CDH4: variants seen among roughly 807,000 people sequenced by gnomAD.
The protein encoded by CDH4 is cadherin 4, also known as cadherin-4.
CDH4 carries 33 observed loss-of-function variants against 86.0 expected under a neutral mutation model. That is an observed-to-expected ratio of 0.38 (90% CI 0.29 to 0.51). The LOEUF (loss-of-function observed/expected upper bound fraction) is 0.51, where lower values mean the gene tolerates loss of function less well. Ranked by LOEUF, CDH4 falls within the 20% of genes least tolerant of loss-of-function variation. CDH4 has a pLI of 0.86. For missense variants in CDH4, 1,114 were observed against 1,307.4 expected, an observed-to-expected ratio of 0.85 and a Z score of 2.28; for synonymous variants, 555 against 549.4, an observed-to-expected ratio of 1.01 and a Z score of -0.14.
chr20:61,909,601 T>A (rs549586457), intron 8 of CDH4, among the ~76,000 whole-genome samples: 14 of 152,194 alleles, frequency 9.2e-5, no homozygotes, highest in Non-Finnish European at 1.6e-4. Context: ...GGGCTTGTGG[T>A]GGCATCACTC....
chr20:61,838,268 C>G (rs944291349), intron 4 of CDH4, among the ~76,000 whole-genome samples: 1 of 152,066 alleles, frequency 6.6e-6, no homozygotes, highest in Non-Finnish European at 1.5e-5. Flanking sequence ...CTGGCAGCCC[C>G]GTGTGTGTTC....
intron 2 of CDH4, among the ~76,000 whole-genome samples, chr20:61,629,892 A>T (rs1180813326): frequency 6.6e-6 from 1 of 152,212 alleles, no homozygotes; most frequent in African/African-American, 2.4e-5. Context: ...AACAGGAGGC[A>T]GAGGGTGAGA....
At chr20:61,372,921 GAC>G (rs1157442118) in intron 2 of CDH4, among the ~76,000 whole-genome samples, 2 of 152,276 alleles carry the variant, frequency 1.3e-5, no homozygotes, top group African/African-American at 4.8e-5. Context: ...AGCAGGCGTG[GAC>G]ACGCAACCCC....
At chr20:61,390,092 G>A (rs1230089702) in intron 2 of CDH4, among the ~76,000 whole-genome samples, 5 of 150,934 alleles carry the variant, frequency 3.3e-5, no homozygotes, top group African/African-American at 1.2e-4. Flanking sequence ...AACCCCAGTT[G>A]AGATCGTATG....
chr20:61,507,869 C>T (rs1017586296), intron 2 of CDH4, among the ~76,000 whole-genome samples: 17 of 152,354 alleles, frequency 1.1e-4, no homozygotes, highest in Admixed American at 7.8e-4. Flanking sequence ...AGGGCAGGAT[C>T]GCTCTGTGTT....
chr20:61,260,971 G>T (rs2084124731), intron 2 of CDH4, among the ~76,000 whole-genome samples: 1 of 152,224 alleles, frequency 6.6e-6, no homozygotes. Context: ...ATCCCACTCT[G>T]AGAGAGGGTC....
intron 6 of CDH4, among the ~76,000 whole-genome samples, chr20:61,859,844 G>A (rs1006781866): frequency 6.6e-6 from 1 of 152,274 alleles, no homozygotes; most frequent in African/African-American, 2.4e-5. Flanking sequence ...GTCATGCCCT[G>A]GCCTTCACCT....
intron 2 of CDH4, among the ~76,000 whole-genome samples, chr20:61,539,696 A>G (rs1236408351): frequency 1.3e-5 from 2 of 152,234 alleles, no homozygotes; most frequent in South Asian, 2.1e-4. Flanking sequence ...TGCCCTGGGC[A>G]GTGGTCCGCC....
Position 61,537,625 on chromosome 20 carries a change from C to T in CDH4, c.170-205938C>T, listed in dbSNP as rs531217984. Among the ~76,000 whole-genome samples the T allele has an allele frequency of 1.4e-4, 22 of 152,316 alleles. No homozygotes were observed. The South Asian group carries it at 4.6e-3, about 32-fold the overall frequency. ...GCCAGGAGTGATTTAGAAGCAGAAGCGGGCTTCGCGGACAGGCACGCACTG... is the reference window on the plus strand; with the variant it reads ...GCCAGGAGTGATTTAGAAGCAGAAGTGGGCTTCGCGGACAGGCACGCACTG... On this transcript the variant is annotated intron_variant, in intron 2 of 15. Transcript: ENST00000614565.
intron 3 of CDH4, among the ~76,000 whole-genome samples, chr20:61,753,294 G>T (rs1396926544): frequency 6.6e-6 from 1 of 152,180 alleles, no homozygotes; most frequent in Non-Finnish European, 1.5e-5. Flanking sequence ...TTCAAGTGCC[G>T]CCTCCTCTGT....
intron 2 of CDH4, chr20:61,600,097 T>A: frequency 3.1e-6 from 1 of 326,576 alleles, no homozygotes; most frequent in Non-Finnish European, 4.4e-6. Context: ...CAAAACCAGC[T>A]GGCTCCTCGG....
At chr20:61,532,326 TCA>T (rs1313946529) in intron 2 of CDH4, among the ~76,000 whole-genome samples, 2 of 152,198 alleles carry the variant, frequency 1.3e-5, no homozygotes, top group African/African-American at 4.8e-5. Context: ...TCTATGGTCT[TCA>T]CACATGAAGG....
intron 6 of CDH4, among the ~76,000 whole-genome samples, chr20:61,869,598 C>G (rs917238436): frequency 6.6e-6 from 1 of 152,192 alleles, no homozygotes; most frequent in African/African-American, 2.4e-5. Flanking sequence ...GGTCTGTTTC[C>G]AGCCTCCCGC....
intron 2 of CDH4, among the ~76,000 whole-genome samples, chr20:61,462,155 A>G (rs2145559707): frequency 6.6e-6 from 1 of 152,340 alleles, no homozygotes; most frequent in East Asian, 1.9e-4. Context: ...GATGGAATGC[A>G]TGGTAAGAAG....
At chr20:61,343,126 C>T (rs1053352607) in intron 2 of CDH4, among the ~76,000 whole-genome samples, 5 of 152,218 alleles carry the variant, frequency 3.3e-5, no homozygotes, top group African/African-American at 4.8e-5. Flanking sequence ...AGCTGCTGCT[C>T]AGGGTGGAGG....
chr20:61,581,163 C>T (rs1034439277), intron 2 of CDH4, among the ~76,000 whole-genome samples: 1 of 152,192 alleles, frequency 6.6e-6, no homozygotes, highest in African/African-American at 2.4e-5. Context: ...GCAGCAGGCT[C>T]ACCCAGGCAG....
rs1412088076 is a variant in CDH4 at position 61,582,510 on chromosome 20, C to T, written c.170-161053C>T. On this transcript the variant is annotated intron_variant, in intron 2 of 15. Transcript: ENST00000614565. The surrounding 1 kb of genome is among the most constrained non-coding windows in gnomAD (Gnocchi z 4.2). ...AATGTTCCAACCTGGTTTCTGGGCA[C>T]CAGCAGTTCCCTTTGGCCTGTAGAC... Among the ~76,000 whole-genome samples the T allele has an allele frequency of 2.6e-5, 4 of 152,208 alleles. No homozygotes were observed. Among genetic ancestry groups the T allele is most frequent in the Non-Finnish European group, 5.9e-5 (4 of 68,038 alleles).
In CDH4 at chr20:61,934,246, C is replaced by T. The variant is rs1297973356; in HGVS notation, c.2544+26C>T. 2.6e-6 allele frequency: 4 copies of T among 1,510,640 alleles called. No individual in the cohort carries two copies. In the African/African-American group the frequency reaches 4.2e-5, roughly 16 times the overall value. The allele number at this position is 1,510,640 out of a possible 1,614,324, so 93.6% of individuals were successfully genotyped here. ...GTGTGTGCCTCTCGGCAGTGGGGGG[C>T]CCGGGCAAGGTGTCTCCTCTAAAAA... On this transcript the variant is annotated intron_variant, in intron 15 of 15. Transcript: ENST00000614565.
intron 2 of CDH4, among the ~76,000 whole-genome samples, chr20:61,270,069 G>A (rs902254507): frequency 6.6e-6 from 1 of 152,186 alleles, no homozygotes; most frequent in African/African-American, 2.4e-5. Flanking sequence ...CATTTCTTAT[G>A]TGTGGCCCAA....
Sources: gnomAD v4.1 joint callset for allele counts (sites outside exome capture counted in the v4.1 genomes callset) on GRCh38, gnomAD v4.1.1 for gene constraint, Gnocchi (gnomAD v3.1) non-coding constraint, MANE v1.5 for transcripts, NCBI Gene and HGNC (gene_info 2026-07-23, HGNC 2026-07-21) for gene names.